EFCAB8: variants seen among roughly 807,000 people sequenced by gnomAD.
The protein encoded by EFCAB8 is EF-hand calcium-binding domain-containing protein 8.
A neutral mutation model predicts 116.3 loss-of-function variants in EFCAB8; 100 were observed. The observed-to-expected ratio is 0.86, with a 90% CI of 0.73 to 1.02. The LOEUF is 1.02. Ranked by LOEUF, EFCAB8 falls within the 50% of genes least tolerant of loss-of-function variation. The pLI is 0.00. For missense variants in EFCAB8, 1,320 were observed against 1,416.9 expected, an observed-to-expected ratio of 0.93 and a Z score of 1.10; for synonymous variants, 558 against 567.9, an observed-to-expected ratio of 0.98 and a Z score of 0.25.
intron 23 of EFCAB8, among the ~76,000 whole-genome samples, chr20:32,955,038 G>A (rs1988920557): frequency 6.6e-6 from 1 of 152,116 alleles, no homozygotes; most frequent in African/African-American, 2.4e-5. Context: ...GTGGCCAATG[G>A]GAATTCAAAA....
chr20:32,961,110 C>T (rs1165610635), intron 26 of EFCAB8, 26 bp from the exon 27 acceptor site: 5 of 1,546,610 alleles, frequency 3.2e-6, no homozygotes, highest in Non-Finnish European at 4.4e-6. Context: ...GTGCCCCATT[C>T]CCGCTCCCCA....
chr20:32,944,109 C>G (rs1264399696), intron 23 of EFCAB8, among the ~76,000 whole-genome samples: 1 of 152,102 alleles, frequency 6.6e-6, no homozygotes, highest in Non-Finnish European at 1.5e-5. Flanking sequence ...GAAAAACATA[C>G]AAACCAGAAG....
intron 17 of EFCAB8, among the ~76,000 whole-genome samples, chr20:32,914,909 T>TG (rs1357142234): frequency 1.3e-5 from 2 of 152,134 alleles, no homozygotes; most frequent in African/African-American, 4.8e-5. Context: ...CATTTTTTTT[T>TG]TCTTTAAGAC....
intron 22 of EFCAB8, among the ~76,000 whole-genome samples, chr20:32,931,766 A>G (rs1987920075): frequency 9.7e-6 from 1 of 103,032 alleles, no homozygotes; most frequent in African/African-American, 2.7e-5. Context: ...TCAAAAAAGA[A>G]AAAGAGTTAG....
Position 32,906,598 on chromosome 20 carries a change from C to G in EFCAB8, c.1125C>G (p.Cys375Trp). 1 of 718,492 alleles carries G rather than the reference C, an allele frequency of 1.4e-6. No individual in the cohort carries two copies. Among genetic ancestry groups the G allele is most frequent in the South Asian group, 1.5e-5 (1 of 67,600 alleles). 44.5% of individuals were successfully genotyped at this position (718,492 alleles called of 1,614,324 possible). A position where few individuals can be genotyped will look rare whatever the true frequency, so the allele number is the denominator to read the frequency against. The stretch of plus-strand genomic sequence containing the variant: ...TGCGTTTAAGGAAAGGGATTCTTTG[C>G]TTTGATTACTGCCCAGACAGGAACT... ...SVLRLRKGIL[C>W]FDYCPDRNFL... Residue 375 changes from cysteine to tryptophan, a missense_variant, in exon 12 of 27, where the codon TGC (cysteine) becomes TGG (tryptophan). Transcript: ENST00000400522.
At chr20:32,953,641 A>G (rs1988867347) in intron 23 of EFCAB8, among the ~76,000 whole-genome samples, 1 of 152,156 alleles carries the variant, frequency 6.6e-6, no homozygotes, top group East Asian at 1.9e-4. Context: ...AGAAATAAAT[A>G]TCTATTCAAG....
At chr20:32,876,961 A>G (rs1985005749) in intron 4 of EFCAB8, among the ~76,000 whole-genome samples, 1 of 152,026 alleles carries the variant, frequency 6.6e-6, no homozygotes, top group African/African-American at 2.4e-5. Context: ...AAGTGAGACC[A>G]TGTCTCAGGA....
At chr20:32,872,671 G>A (rs565858168) in intron 3 of EFCAB8, among the ~76,000 whole-genome samples, 5 of 151,986 alleles carry the variant, frequency 3.3e-5, no homozygotes, top group Admixed American at 2.0e-4. Context: ...GTGGGTGCCT[G>A]TAGTTCCAGC....
intron 11 of EFCAB8, among the ~76,000 whole-genome samples, chr20:32,905,547 G>T (rs1237462188): frequency 1.3e-5 from 2 of 152,056 alleles, no homozygotes; most frequent in African/African-American, 2.4e-5. Context: ...CTCACCTGAG[G>T]TCAGGAGTTC....
intron 11 of EFCAB8, among the ~76,000 whole-genome samples, chr20:32,904,589 A>G (rs1286310200): frequency 2.2e-5 from 3 of 138,638 alleles, no homozygotes; most frequent in East Asian, 2.1e-4. Context: ...GTGAGCCACC[A>G]CACCTGAATG....
At chr20:32,927,058 A>G (rs1256888111) in intron 20 of EFCAB8, among the ~76,000 whole-genome samples, 1 of 152,194 alleles carries the variant, frequency 6.6e-6, no homozygotes. Flanking sequence ...ATAGGGACCT[A>G]TCTAGGTTTT....
rs1383931349 is a variant in EFCAB8 at position 32,961,222 on chromosome 20, C to T, written c.3480C>T (p.Asp1160=). 1 of 1,551,930 alleles carries T rather than the reference C, an allele frequency of 6.4e-7. No homozygotes were observed. The highest frequency in any genetic ancestry group is 8.7e-7 in the Non-Finnish European group (1 of 1,146,946). ...QPDFLTSRGP[D]QQDQHIRLVA... is the part of the protein sequence containing the mutation. ...ACTTCCTGACCAGCAGGGGCCCAGA[C>T]CAGCAAGACCAGCACATCCGCCTGG... The change falls in exon 27 of 27, where the codon GAC becomes GAT. Residue 1160 remains aspartate, a synonymous_variant. Coordinates refer to ENST00000400522, the MANE Select transcript of EFCAB8 (RefSeq NM_001143967.2).
At chr20:32,919,094 A>G (rs1400326985) in intron 19 of EFCAB8, among the ~76,000 whole-genome samples, 1 of 152,188 alleles carries the variant, frequency 6.6e-6, no homozygotes, top group Non-Finnish European at 1.5e-5. Context: ...TGCGGGGAGT[A>G]GGGAGAAAGA....
In EFCAB8 at chr20:32,930,521, G is replaced by C; in HGVS notation, c.2536G>C (p.Val846Leu). ...ENGGLLGKFP[V>L]DLDNGDVVVG... is the part of the protein sequence containing the mutation. The stretch of plus-strand genomic sequence containing the variant: ...TGGAGGCCTGCTGGGGAAGTTCCCT[G>C]TGGACCTAGACAATGGGGATGTTGT... Residue 846 changes from valine to leucine, a missense_variant, in exon 21 of 27, where the codon GTG (valine) becomes CTG (leucine). Transcript: ENST00000400522. 6.4e-7 allele frequency: 1 copy of C among 1,552,322 alleles called. No individual in the cohort carries two copies. The highest frequency in any genetic ancestry group is 8.7e-7 in the Non-Finnish European group (1 of 1,147,134).
At chr20:32,925,098 C>G (rs1471659966) in intron 20 of EFCAB8, among the ~76,000 whole-genome samples, 1 of 152,156 alleles carries the variant, frequency 6.6e-6, no homozygotes, top group Non-Finnish European at 1.5e-5. Context: ...GGTCTTCCTT[C>G]CCATTATTTC....
intron 22 of EFCAB8, 135 bp downstream of exon 22, chr20:32,931,471 AT>A (rs1270747500): frequency 8.2e-7 from 1 of 1,219,676 alleles, no homozygotes; most frequent in Non-Finnish European, 1.1e-6. Context: ...TAGAATTAGT[AT>A]TCGTGGCCAG....
At chr20:32,912,457 A>C (rs1986985020) in intron 16 of EFCAB8, among the ~76,000 whole-genome samples, 1 of 150,924 alleles carries the variant, frequency 6.6e-6, no homozygotes, top group African/African-American at 2.4e-5. Context: ...AAGAAGAAGA[A>C]AGAAAGTGTA....
At chr20:32,917,071 A>G in intron 17 of EFCAB8, 4 of 539,816 alleles carry the variant, frequency 7.4e-6, no homozygotes, top group Non-Finnish European at 1.3e-5. Flanking sequence ...CACATTGACT[A>G]TCTGTAAGAT....
chr20:32,928,116 T>C (rs1987744229), intron 20 of EFCAB8, among the ~76,000 whole-genome samples: 1 of 152,254 alleles, frequency 6.6e-6, no homozygotes, highest in South Asian at 2.1e-4. Flanking sequence ...CTTAGCATAA[T>C]GTCCTCTTTG....
Sources: gnomAD v4.1 joint callset for allele counts (sites outside exome capture counted in the v4.1 genomes callset) on GRCh38, gnomAD v4.1.1 for gene constraint, MANE v1.5 for transcripts, NCBI Gene and HGNC (gene_info 2026-07-23, HGNC 2026-07-21) for gene names.